COL22A1: variants seen among roughly 807,000 people sequenced by gnomAD.
The protein encoded by COL22A1 is collagen type XXII alpha 1 chain, also known as collagen alpha-1(XXII) chain.
In COL22A1, 221 loss-of-function variants were observed where a neutral mutation model predicts 248.9. The observed-to-expected ratio is 0.89, with a 90% CI of 0.80 to 0.99. COL22A1 has a LOEUF of 0.99. Among genes scored for constraint, COL22A1 ranks in the 50% least tolerant of loss-of-function variants. The pLI is 0.00. For synonymous variants in COL22A1, 891 were observed against 793.4 expected, an observed-to-expected ratio of 1.12 and a Z score of -2.07; for missense variants, 2,240 against 2,179.0, an observed-to-expected ratio of 1.03 and a Z score of -0.56.
At chr8:138,606,352 C>G in intron 58 of COL22A1, 29 bp downstream of exon 58, 1 of 1,599,136 alleles carries the variant, frequency 6.3e-7, no homozygotes. Flanking sequence ...AGCCAGGTAT[C>G]TTGGGCCCCA....
chr8:138,671,562 G>A lies in COL22A1; in HGVS notation c.3150+4996C>T, dbSNP rs761267531. On this transcript the variant is annotated intron_variant, in intron 41 of 64. Transcript: ENST00000303045. ...GTAAATTGTGTTGCCAAAGTAGAAAGCGTTCTCTCGCAGATCTTGCATTTT... is the reference window on the plus strand; with the variant it reads ...GTAAATTGTGTTGCCAAAGTAGAAAACGTTCTCTCGCAGATCTTGCATTTT... Among the ~76,000 whole-genome samples, 158 of 152,332 alleles carry A rather than the reference G, an allele frequency of 1.0e-3. 1 individual carries two copies. Among genetic ancestry groups the A allele is most frequent in the Non-Finnish European group, 3.1e-4 (21 of 68,042 alleles).
chr8:138,889,327 T>C (rs151274771), intron 1 of COL22A1, among the ~76,000 whole-genome samples: 1,592 of 152,246 alleles, frequency 0.01, 40 homozygotes, highest in African/African-American at 0.037. Context: ...TGTCCAACAA[T>C]GATAGACTGG....
Position 138,828,598 on chromosome 8 carries a change from C to T in COL22A1, c.846-1817G>A, listed in dbSNP as rs72731620. Reference sequence around the variant, plus strand: ...ATCTTTTGAGAGCTTAACACAAGCTCACCACAACTCTTTTCACATATTGCC... The same window carrying T: ...ATCTTTTGAGAGCTTAACACAAGCTTACCACAACTCTTTTCACATATTGCC... On this transcript the variant is annotated intron_variant, in intron 5 of 64. Coordinates refer to ENST00000303045, the MANE Select transcript of COL22A1 (RefSeq NM_152888.3). 6.5e-3 allele frequency among the ~76,000 whole-genome samples: 992 copies of T among 152,212 alleles called. 6 individuals are homozygous for T. The highest frequency in any genetic ancestry group is 0.024 in the Middle Eastern group (7 of 294).
At chr8:138,800,542 C>T (rs1486167229) in intron 11 of COL22A1, among the ~76,000 whole-genome samples, 1 of 152,158 alleles carries the variant, frequency 6.6e-6, no homozygotes, top group Non-Finnish European at 1.5e-5. Context: ...GCGACTTCTT[C>T]AGTTCATGAA....
chr8:138,742,769 G>GTAGTGA (rs1376000615), intron 22 of COL22A1, among the ~76,000 whole-genome samples: 1 of 149,702 alleles, frequency 6.7e-6, no homozygotes, highest in Non-Finnish European at 1.5e-5. Context: ...GGTGATGGTG[G>GTAGTGA]TAGTGATTGT....
chr8:138,807,664 A>C (rs1460287975), intron 10 of COL22A1, 104 bp downstream of exon 10: 1 of 1,096,766 alleles, frequency 9.1e-7, no homozygotes, highest in Non-Finnish European at 1.3e-6. Context: ...GAGGCAAAAT[A>C]TTAGCAAGGC....
intron 27 of COL22A1, among the ~76,000 whole-genome samples, chr8:138,719,364 C>G (rs1231103276): frequency 6.6e-6 from 1 of 152,036 alleles, no homozygotes; most frequent in Non-Finnish European, 1.5e-5. Context: ...GATATAGTGT[C>G]TGTCGGTGGC....
chr8:138,797,352 T>C lies in COL22A1; in HGVS notation c.1558-495A>G, dbSNP rs1816638232. Among the ~76,000 whole-genome samples, 4 of 152,224 alleles carry C rather than the reference T, an allele frequency of 2.6e-5. No individual in the cohort carries two copies. The South Asian group carries it at 8.3e-4, about 31-fold the overall frequency. On this transcript the variant is annotated intron_variant, in intron 11 of 64. Coordinates refer to ENST00000303045, the MANE Select transcript of COL22A1 (RefSeq NM_152888.3). ...TTTTTATATAAATGGAATCATATAATATGTGGCCTTTTATGATTGGCTTAT... is the reference window on the plus strand; with the variant it reads ...TTTTTATATAAATGGAATCATATAACATGTGGCCTTTTATGATTGGCTTAT...
At chr8:138,759,616 G>A (rs1833282953) in intron 18 of COL22A1, among the ~76,000 whole-genome samples, 1 of 152,092 alleles carries the variant, frequency 6.6e-6, no homozygotes, top group Admixed American at 6.5e-5. Flanking sequence ...CTATTTTCAT[G>A]GACATTTTTG....
At chr8:138,754,253 T>C (rs1408613107) in intron 21 of COL22A1, among the ~76,000 whole-genome samples, 2 of 69,118 alleles carry the variant, frequency 2.9e-5, no homozygotes, top group South Asian at 1.8e-3. Context: ...CTAGTTTAAA[T>C]CTCTCAACAG....
chr8:138,713,324 A>C (rs1332109695), intron 30 of COL22A1, among the ~76,000 whole-genome samples: 51 of 152,112 alleles, frequency 3.4e-4, no homozygotes, highest in Non-Finnish European at 4.4e-5. Context: ...AAGACAGTAC[A>C]TCTCTCTATG....
At chr8:138,702,620 A>G (rs952211695) in intron 31 of COL22A1, among the ~76,000 whole-genome samples, 11 of 151,992 alleles carry the variant, frequency 7.2e-5, no homozygotes, top group Non-Finnish European at 1.5e-4. Context: ...GTGGAAAAAA[A>G]AAAAAGAAAA....
intron 9 of COL22A1, among the ~76,000 whole-genome samples, chr8:138,811,001 G>A (rs569336526): frequency 6.6e-6 from 1 of 152,320 alleles, no homozygotes; most frequent in South Asian, 2.1e-4. Flanking sequence ...TGGCTCAGCA[G>A]AACTTCGCAG....
At chr8:138,891,260 A>C (rs1372516578) in intron 1 of COL22A1, among the ~76,000 whole-genome samples, 1 of 152,244 alleles carries the variant, frequency 6.6e-6, no homozygotes, top group Non-Finnish European at 1.5e-5. Flanking sequence ...TTTCTGTCTC[A>C]GGTGATGAAA....
At chr8:138,726,448 G>A (rs918882905) in intron 23 of COL22A1, among the ~76,000 whole-genome samples, 4 of 143,064 alleles carry the variant, frequency 2.8e-5, no homozygotes, top group Non-Finnish European at 6.0e-5. Context: ...AGTGAGCTGT[G>A]ATTGTGCCAT....
chr8:138,636,518 A>AAGGAC (rs1821181068), intron 48 of COL22A1, among the ~76,000 whole-genome samples: 1 of 151,154 alleles, frequency 6.6e-6, no homozygotes, highest in East Asian at 2.0e-4. Context: ...AAGGAAAGGA[A>AAGGAC]AGGAAAGGAA....
At chr8:138,870,797 A>G (rs536709244) in intron 3 of COL22A1, among the ~76,000 whole-genome samples, 12 of 144,704 alleles carry the variant, frequency 8.3e-5, no homozygotes, top group Non-Finnish European at 1.2e-4. Context: ...TAGTGTGGAG[A>G]GTGTGTGTGG....
intron 14 of COL22A1, among the ~76,000 whole-genome samples, chr8:138,778,720 A>T (rs1013536813): frequency 2.6e-5 from 4 of 151,508 alleles, no homozygotes; most frequent in Non-Finnish European, 5.9e-5. Flanking sequence ...ATTCCATTTC[A>T]CTCTCCCCGT....
At chr8:138,800,895 A>G (rs1382537543) in intron 11 of COL22A1, among the ~76,000 whole-genome samples, 5 of 152,280 alleles carry the variant, frequency 3.3e-5, no homozygotes, top group Admixed American at 6.5e-5. Flanking sequence ...CTGCCTGACA[A>G]GTGAGTTCCT....
Sources: gnomAD v4.1 joint callset for allele counts (sites outside exome capture counted in the v4.1 genomes callset) on GRCh38, gnomAD v4.1.1 for gene constraint, MANE v1.5 for transcripts, NCBI Gene and HGNC (gene_info 2026-07-23, HGNC 2026-07-21) for gene names.